TFCP2L1: variants seen among roughly 807,000 people sequenced by gnomAD.
TFCP2L1 encodes the protein transcription factor CP2 like 1.
TFCP2L1 carries 12 observed loss-of-function variants against 72.2 expected under a neutral mutation model. The observed-to-expected ratio is 0.17, with a 90% CI of 0.11 to 0.27. The LOEUF (loss-of-function observed/expected upper bound fraction) is 0.27. TFCP2L1 is among the 10% of genes least tolerant of loss of function. The pLI, the probability that TFCP2L1 is intolerant of heterozygous loss-of-function variation, is 1.00. For synonymous variants in TFCP2L1, 260 were observed against 251.0 expected (o/e 1.04, Z -0.34); for missense variants, 488 against 624.6 (o/e 0.78, Z 2.33).
intron 8 of TFCP2L1, among the ~76,000 whole-genome samples, chr2:121,239,164 C>T (rs1295568382): frequency 2.0e-5 from 3 of 152,114 alleles, no homozygotes; most frequent in Non-Finnish European, 4.4e-5. Context: ...AGGACCCTAG[C>T]CAGACCCTCT....
rs1685853431 is a variant in TFCP2L1, at chr2:121,217,318, C to T, written c.*7023G>A. 1.3e-5 allele frequency: 2 copies of T among 152,486 alleles called. No homozygotes were observed. The highest frequency in any genetic ancestry group is 4.1e-4 in the South Asian group (2 of 4,836). The allele number at this position is 152,486 out of a possible 1,614,324, so 9.4% of individuals were successfully genotyped here. ...CCCAGCTGCTATCACTACTGTTACT[C>T]ACGAAGAAAGGAACTGCAGTGGCTG... On this transcript the variant is annotated 3_prime_UTR_variant, in exon 15 of 15. Transcript: ENST00000263707.
intron 2 of TFCP2L1, among the ~76,000 whole-genome samples, chr2:121,254,383 C>T (rs553625469): frequency 1.3e-4 from 20 of 152,188 alleles, no homozygotes; most frequent in South Asian, 4.1e-4. Context: ...GTATCCAGGA[C>T]GAGGCGGGGA....
chr2:121,264,540 G>A (rs1686891030), intron 2 of TFCP2L1, among the ~76,000 whole-genome samples: 1 of 152,190 alleles, frequency 6.6e-6, no homozygotes, highest in Non-Finnish European at 1.5e-5. Flanking sequence ...GGGAATGAGA[G>A]CACCTGTCTC....
intron 10 of TFCP2L1, among the ~76,000 whole-genome samples, chr2:121,236,028 T>C (rs1045661076): frequency 1.3e-5 from 2 of 152,186 alleles, no homozygotes; most frequent in African/African-American, 4.8e-5. Context: ...GCACTCTTCC[T>C]GGTCTGGCTT....
chr2:121,231,097 TG>T (rs1434102322), intron 13 of TFCP2L1, among the ~76,000 whole-genome samples: 5 of 152,150 alleles, frequency 3.3e-5, no homozygotes, highest in Non-Finnish European at 7.3e-5. Flanking sequence ...GGCCCGCATC[TG>T]TGAAATGGGA....
At chr2:121,252,142 C>T (rs1452538884) in intron 2 of TFCP2L1, among the ~76,000 whole-genome samples, 1 of 152,122 alleles carries the variant, frequency 6.6e-6, no homozygotes, top group Non-Finnish European at 1.5e-5. Context: ...CTCAACCTTC[C>T]AACTCAAGCT....
rs7567633 is a variant in TFCP2L1 at position 121,238,208 on chromosome 2, A to C, written c.861-358T>G. Among the ~76,000 whole-genome samples the C allele has an allele frequency of 8.0e-3, 1,216 of 152,240 alleles. 18 individuals carry two copies. The highest frequency in any genetic ancestry group is 0.026 in the African/African-American group (1,089 of 41,550). ...CCCAGCCCCAGGGAAAGGCACGCTG[A>C]CCAAGGGCACCCAGAGCCTTGGCAC... On this transcript the variant is annotated intron_variant, in intron 8 of 14. Coordinates refer to ENST00000263707, the MANE Select transcript of TFCP2L1 (RefSeq NM_014553.3).
chr2:121,264,708 A>G (rs1400583806), intron 2 of TFCP2L1, among the ~76,000 whole-genome samples: 3 of 152,162 alleles, frequency 2.0e-5, no homozygotes, highest in Non-Finnish European at 2.9e-5. Flanking sequence ...CCAACATTTG[A>G]GCCCCTGGTT....
chr2:121,224,034 T>G lies in TFCP2L1; in HGVS notation c.*307A>C. On this transcript the variant is annotated 3_prime_UTR_variant, in exon 15 of 15. Transcript: ENST00000263707. ...AGCTTCCAACTAAGGGATGAGGGAT[T>G]TCAGAGCAGACGTCTCCACTGTTTG... 1 of 411,770 alleles carries G rather than the reference T, an allele frequency of 2.4e-6. No individual in the cohort carries two copies. The highest frequency in any genetic ancestry group is 4.4e-6 in the Non-Finnish European group (1 of 226,954). 25.5% of individuals were successfully genotyped at this position (411,770 alleles called of 1,614,324 possible).
chr2:121,220,607 G>C lies in TFCP2L1; in HGVS notation c.*3734C>G, dbSNP rs1685912208. The C allele has an allele frequency of 6.6e-6, 1 of 152,238 alleles. No individual in the cohort carries two copies. Among genetic ancestry groups the C allele is most frequent in the South Asian group, 2.1e-4 (1 of 4,822 alleles). 9.4% of individuals were successfully genotyped at this position (152,238 alleles called of 1,614,324 possible). A position where few individuals can be genotyped will look rare whatever the true frequency, so the allele number is the denominator to read the frequency against. ...AGAAGCTACAGTTCAGAAGCCACAG[G>C]TTGGTGGGAATGCCCTGGGAAGAGC... is the stretch of plus-strand genomic sequence containing the variant. On this transcript the variant is annotated 3_prime_UTR_variant, in exon 15 of 15. Transcript: ENST00000263707.
At chr2:121,262,699 T>C (rs769001) in intron 2 of TFCP2L1, among the ~76,000 whole-genome samples, 4,457 of 151,178 alleles carry the variant, frequency 0.029, 239 homozygotes, top group African/African-American at 0.1. Context: ...TCAGTAATTG[T>C]ACCACTGTTA....
At chr2:121,271,391 TAG>T (rs1464157875) in intron 2 of TFCP2L1, among the ~76,000 whole-genome samples, 1 of 152,182 alleles carries the variant, frequency 6.6e-6, no homozygotes, top group Non-Finnish European at 1.5e-5. Flanking sequence ...GCACATTTTC[TAG>T]AGTATATATG....
At chr2:121,240,675 C>A (rs771473789) in intron 7 of TFCP2L1, 34 of 985,218 alleles carry the variant, frequency 3.5e-5, no homozygotes, top group Admixed American at 1.8e-4. Flanking sequence ...AGCAGAGGAG[C>A]AGAGAGGTTG....
intron 10 of TFCP2L1, 47 bp downstream of exon 10, chr2:121,237,576 G>A (rs1171284245): frequency 3.1e-6 from 5 of 1,598,692 alleles, no homozygotes; most frequent in East Asian, 4.5e-5. Flanking sequence ...GCCTTGAAGT[G>A]TCTCCAAGAT....
intron 14 of TFCP2L1, among the ~76,000 whole-genome samples, chr2:121,224,695 G>A (rs1685987816): frequency 6.6e-6 from 1 of 152,216 alleles, no homozygotes; most frequent in African/African-American, 2.4e-5. Flanking sequence ...AAAGACACTT[G>A]GTGGTGGCTG....
intron 2 of TFCP2L1, among the ~76,000 whole-genome samples, chr2:121,269,620 T>C (rs1328055138): frequency 6.6e-6 from 1 of 151,252 alleles, no homozygotes; most frequent in African/African-American, 2.4e-5. Flanking sequence ...CAGCAAAAAT[T>C]ATGTAAAAGA....
At chr2:121,243,026 A>G (rs926322647) in intron 6 of TFCP2L1, among the ~76,000 whole-genome samples, 3 of 152,164 alleles carry the variant, frequency 2.0e-5, no homozygotes, top group African/African-American at 7.2e-5. Flanking sequence ...TATTCCCTTC[A>G]TTTACAGAGT....
chr2:121,231,843 C>T lies in TFCP2L1; in HGVS notation c.1324G>A (p.Val442Met). 3 of 1,613,276 alleles carry T rather than the reference C, an allele frequency of 1.9e-6. No homozygotes were observed. The highest frequency in any genetic ancestry group is 1.1e-5 in the South Asian group (1 of 90,992). Residue 442 changes from valine to methionine, a missense_variant, in exon 13 of 15, where the codon GTG becomes ATG. Coordinates refer to ENST00000263707, the MANE Select transcript of TFCP2L1 (RefSeq NM_014553.3). ...VYRQGPTGIHVVVSNEMVQNF... is the reference protein window; with the variant it reads ...VYRQGPTGIHMVVSNEMVQNF... ...GCCCTCACCTCGTTGCTCACCACCACATGGATGCCCGTGGGGCCCTGCCGG... is the reference window on the plus strand; with the variant it reads ...GCCCTCACCTCGTTGCTCACCACCATATGGATGCCCGTGGGGCCCTGCCGG...
At chr2:121,235,661 C>T (rs1014235136) in intron 10 of TFCP2L1, among the ~76,000 whole-genome samples, 44 of 150,824 alleles carry the variant, frequency 2.9e-4, no homozygotes, top group Non-Finnish European at 1.8e-4. Context: ...CTCAAGCAAT[C>T]CACCTACCTC....
Sources: gnomAD v4.1 joint callset for allele counts (sites outside exome capture counted in the v4.1 genomes callset) on GRCh38, gnomAD v4.1.1 for gene constraint, MANE v1.5 for transcripts, NCBI Gene and HGNC (gene_info 2026-07-23, HGNC 2026-07-21) for gene names.